Variants in RBFOX3 observed in about 807,000 individuals in gnomAD.
RBFOX3 encodes RNA binding fox-1 homolog 3, also known as RNA binding protein fox-1 homolog 3.
A neutral mutation model predicts 48.7 loss-of-function variants in RBFOX3; 17 were observed. The ratio of observed to expected loss-of-function variants is 0.35; its 90% CI spans 0.24 to 0.52. RBFOX3 has a LOEUF of 0.52. Among genes scored for constraint, RBFOX3 ranks in the 20% least tolerant of loss-of-function variants. RBFOX3 has a pLI of 0.94. For synonymous variants in RBFOX3, 212 were observed against 209.5 expected (o/e 1.01, Z -0.10); for missense variants, 382 against 497.5 (o/e 0.77, Z 2.21).
In RBFOX3 at chr17:79,269,891, G is replaced by A. The variant is rs537193259; in HGVS notation, c.-73-34086C>T. 5.3e-5 allele frequency among the ~76,000 whole-genome samples: 8 copies of A among 152,126 alleles called. No homozygotes were observed. In the East Asian group the frequency reaches 5.8e-4, roughly 11 times the overall value. On this transcript the variant is annotated intron_variant, in intron 3 of 14. Coordinates refer to ENST00000693108, the MANE Select transcript of RBFOX3 (RefSeq NM_001350451.2). ...CAAACTCTCCAGCAAAGTGAGCCCC[G>A]CCATTGCCCTTATCCACCTGCCCAC...
At position 79,115,694 on chromosome 17, in the gene RBFOX3, C is replaced by T. The variant is rs1299842245; in HGVS notation, c.22G>A (p.Ala8Thr). The stretch of plus-strand genomic sequence containing the variant: ...TTCTGTGGCGGAGGGGGGTACTGGG[C>T]GGGGGGGTAGGGCTGGGCCATCGCT... Reference protein sequence around the residue: MAQPYPPAQYPPPPQNGI... With the variant: MAQPYPPTQYPPPPQNGI... The change falls in exon 5 of 15, where the codon GCC becomes ACC. Residue 8 changes from alanine to threonine, a missense_variant. By Grantham distance (58) the Ala-to-Thr change is moderately conservative. Around this residue, in one of 3 missense-constraint regions of RBFOX3, gnomAD observed 118 missense variants for 132.1 expected, o/e 0.89. Coordinates refer to ENST00000693108, the MANE Select transcript of RBFOX3 (RefSeq NM_001350451.2). The T allele has an allele frequency of 1.9e-4, 28 of 148,030 alleles. No homozygotes were observed. Among genetic ancestry groups the T allele is most frequent in the Non-Finnish European group, 2.5e-4 (21 of 85,660 alleles). The allele number at this position is 148,030 out of a possible 1,614,324, so 9.2% of individuals were successfully genotyped here. A position where few individuals can be genotyped will look rare whatever the true frequency, so the allele number is the denominator to read the frequency against.
At chr17:79,533,645 G>A (rs1465121298) in intron 1 of RBFOX3, among the ~76,000 whole-genome samples, 1 of 152,262 alleles carries the variant, frequency 6.6e-6, no homozygotes. Context: ...CTCTCAGGGT[G>A]TGGCCCCCTT....
At chr17:79,612,725 G>GGCATTTAGA (rs1309799688), upstream of RBFOX3, among the ~76,000 whole-genome samples, 1 of 152,224 alleles carries the variant, frequency 6.6e-6, no homozygotes, top group Non-Finnish European at 1.5e-5. Flanking sequence ...GATTTGAAAT[G>GGCATTTAGA]GCGCATTCCA....
chr17:79,438,923 T>C (rs1235294447), intron 2 of RBFOX3, among the ~76,000 whole-genome samples: 14 of 152,342 alleles, frequency 9.2e-5, no homozygotes, highest in African/African-American at 3.4e-4. Flanking sequence ...AATATTTTGG[T>C]CTGTCCATAC....
intron 1 of RBFOX3, among the ~76,000 whole-genome samples, chr17:79,497,172 G>A (rs1258646279): frequency 6.6e-6 from 1 of 152,140 alleles, no homozygotes; most frequent in Non-Finnish European, 1.5e-5. Context: ...ATGACTCAAG[G>A]AACTTTCCTG....
At chr17:79,350,168 T>C (rs2377404) in intron 2 of RBFOX3, among the ~76,000 whole-genome samples, 38,008 of 152,080 alleles carry the variant, frequency 0.25, 4,798 homozygotes, top group East Asian at 0.3. Context: ...CCAACAGCTC[T>C]GTCCTCCCTG....
rs8078596 is a variant in RBFOX3, at chr17:79,214,563, G to A, written c.-34+21203C>T. Among the ~76,000 whole-genome samples, 1,581 of 151,888 alleles carry A rather than the reference G, an allele frequency of 0.01. 25 individuals are homozygous for A. Among genetic ancestry groups the A allele is most frequent in the African/African-American group, 0.036 (1,495 of 41,394 alleles). ...GCAGGCCAAGTGGGAGGGATGTCTGGGGGGGGTCTCGGAGGAAGCAGGAAG... is the reference window on the plus strand; with the variant it reads ...GCAGGCCAAGTGGGAGGGATGTCTGAGGGGGGTCTCGGAGGAAGCAGGAAG... On this transcript the variant is annotated intron_variant, in intron 4 of 14. Transcript: ENST00000693108. The surrounding 1 kb of genome is among the most constrained non-coding windows in gnomAD (Gnocchi z 4.7).
chr17:79,170,362 T>C (rs554886794), intron 4 of RBFOX3, among the ~76,000 whole-genome samples: 3 of 151,834 alleles, frequency 2.0e-5, no homozygotes, highest in African/African-American at 7.3e-5. Flanking sequence ...GAGTTGGACC[T>C]GAGAGTCCCC....
intron 1 of RBFOX3, among the ~76,000 whole-genome samples, chr17:79,514,054 G>A (rs985584740): frequency 6.6e-5 from 10 of 152,294 alleles, no homozygotes; most frequent in African/African-American, 1.2e-4. Flanking sequence ...CAGGCCAATC[G>A]GTGTACTTTC....
intron 8 of RBFOX3, 88 bp from the exon 9 acceptor site, chr17:79,101,732 A>G: frequency 1.7e-6 from 2 of 1,191,698 alleles, no homozygotes; most frequent in South Asian, 1.3e-5. Context: ...CTGCTCCGTT[A>G]GCCCCCGGCA....
intron 4 of RBFOX3, among the ~76,000 whole-genome samples, chr17:79,149,956 G>C (rs1278179404): frequency 3.4e-5 from 4 of 119,116 alleles, no homozygotes. Flanking sequence ...GCCAGGGTGG[G>C]GATGGGGATG....
chr17:79,433,539 G>A (rs2068842085), intron 2 of RBFOX3, among the ~76,000 whole-genome samples: 1 of 152,210 alleles, frequency 6.6e-6, no homozygotes, highest in South Asian at 2.1e-4. Flanking sequence ...TTATGCAGCT[G>A]GGCTTGGCCT....
chr17:79,104,197 C>T, intron 6 of RBFOX3, 71 bp from the exon 7 acceptor site: 3 of 1,293,572 alleles, frequency 2.3e-6, no homozygotes, highest in Middle Eastern at 1.8e-4. Context: ...GGCCCAGCTG[C>T]CCGCTCCACT....
intron 2 of RBFOX3, among the ~76,000 whole-genome samples, chr17:79,316,162 G>A (rs2077513880): frequency 6.6e-6 from 1 of 152,154 alleles, no homozygotes; most frequent in South Asian, 2.1e-4. Flanking sequence ...AAGAGGAGAA[G>A]GGGTGGCTGG....
chr17:79,244,423 T>C (rs1291349340), intron 3 of RBFOX3, among the ~76,000 whole-genome samples: 2 of 152,308 alleles, frequency 1.3e-5, no homozygotes, highest in East Asian at 1.9e-4. Context: ...TAAACTTCTG[T>C]TGTATGAAGC....
intron 3 of RBFOX3, among the ~76,000 whole-genome samples, chr17:79,241,708 C>A (rs1290472317): frequency 1.3e-5 from 2 of 152,216 alleles, no homozygotes; most frequent in Non-Finnish European, 2.9e-5. Context: ...TCTCCCAGTT[C>A]TGGAGGCTGG....
intron 4 of RBFOX3, among the ~76,000 whole-genome samples, chr17:79,203,012 C>T (rs1170304504): frequency 1.3e-5 from 2 of 152,066 alleles, no homozygotes; most frequent in Non-Finnish European, 2.9e-5. Context: ...CCCCAGTGCC[C>T]CTCCCTCCTG....
In RBFOX3 at chr17:79,490,720, T is replaced by TAGAGAG. The variant is rs59694667; in HGVS notation, c.-319-8128_-319-8123dup. 1.7e-3 allele frequency among the ~76,000 whole-genome samples: 243 copies of TAGAGAG among 144,342 alleles called. 2 individuals carry two copies. Among genetic ancestry groups the TAGAGAG allele is most frequent in the East Asian group, 4.2e-3 (20 of 4,754 alleles). 94.7% of individuals were successfully genotyped at this position (144,342 alleles called of 152,430 possible). On this transcript the variant is annotated intron_variant, in intron 1 of 14. Coordinates refer to ENST00000693108, the MANE Select transcript of RBFOX3 (RefSeq NM_001350451.2). Reference sequence around the variant, plus strand: ...GGCACCTGTTGAGGGGCCTGCAGTGTAGAGAGAGAGAGAGAGAGAGAGAGA... The same window carrying TAGAGAG: ...GGCACCTGTTGAGGGGCCTGCAGTGTAGAGAGAGAGAGAGAGAGAGAGAGAGAGAGA...
At chr17:79,125,248 C>T (rs74369700) in intron 4 of RBFOX3, among the ~76,000 whole-genome samples, 4,304 of 152,248 alleles carry the variant, frequency 0.028, 201 homozygotes, top group African/African-American at 0.096. Context: ...CACAGGGCCT[C>T]GCCTGGGCTG....
Sources: allele counts gnomAD v4.1 joint callset (sites outside exome capture counted in the v4.1 genomes callset), GRCh38; gene constraint gnomAD v4.1.1; regional missense constraint gnomAD v4.1.1; non-coding constraint Gnocchi (gnomAD v3.1); transcripts MANE v1.5; gene names NCBI Gene and HGNC (gene_info 2026-07-23, HGNC 2026-07-21).